Variants in IL3RA observed in about 807,000 individuals in gnomAD.
IL3RA encodes the protein interleukin-3 receptor subunit alpha.
In IL3RA, 73 loss-of-function variants were observed where a neutral mutation model predicts 52.3. That is an observed-to-expected ratio of 1.40 (90% CI 1.16 to 1.70). The LOEUF is 1.70. Among genes scored for constraint, IL3RA ranks in the 40% most tolerant of loss-of-function variants. The pLI is 0.00. For synonymous variants in IL3RA, 260 were observed against 194.0 expected (o/e 1.34, Z -2.83); for missense variants, 664 against 504.4 (o/e 1.32, Z -3.03).
chrX:1,366,578 G>A (rs1414470579), intron 9 of IL3RA, among the ~76,000 whole-genome samples: 1 of 55,888 alleles, frequency 1.8e-5, no homozygotes, highest in Non-Finnish European at 3.0e-5. Context: ...CCGGGTGAGC[G>A]GGGTGAGCGG....
intron 9 of IL3RA, 85 bp downstream of exon 9, chrX:1,365,337 CGCGGGGTG>C (rs2087873135): frequency 2.5e-6 from 1 of 406,166 alleles, no homozygotes; most frequent in African/African-American, 7.2e-5. Flanking sequence ...GAGCGGGGTG[CGCGGGGTG>C]AGCGGGGTGA....
intron 3 of IL3RA, among the ~76,000 whole-genome samples, chrX:1,346,650 T>C (rs1251812000): frequency 6.7e-6 from 1 of 148,208 alleles, no homozygotes; most frequent in Non-Finnish European, 1.5e-5. Flanking sequence ...CAAAAGTGTG[T>C]GCTCAGGAAA....
In IL3RA at chrX:1,346,540, G is replaced by A. The variant is rs1267601467; in HGVS notation, c.183+1106G>A. Among the ~76,000 whole-genome samples, 11 of 152,032 alleles carry A rather than the reference G, an allele frequency of 7.2e-5. No individual in the cohort carries two copies. In the East Asian group the frequency reaches 9.7e-4, roughly 13 times the overall value. On this transcript the variant is annotated intron_variant, in intron 3 of 11. Coordinates refer to ENST00000331035, the MANE Select transcript of IL3RA (RefSeq NM_002183.4). ...GAGAATTGCTTGAACCTGGGAGGCC[G>A]AGGTTGCACTGAGCCGAGATTGTGC...
intron 10 of IL3RA, among the ~76,000 whole-genome samples, chrX:1,380,455 A>AGAGGAGATGGGGGAGG (rs1179556282): frequency 5.0e-4 from 1 of 2,008 alleles, no homozygotes; most frequent in African/African-American, 2.9e-3. Context: ...AGGGGGGAGG[A>AGAGGAGATGGGGGAGG]GGGGGGAAGG....
intron 11 of IL3RA, among the ~76,000 whole-genome samples, chrX:1,381,740 C>T (rs1190090689): frequency 8.0e-5 from 12 of 150,768 alleles, no homozygotes; most frequent in African/African-American, 2.7e-4. Flanking sequence ...GACGGGGTTT[C>T]ACCATGTTGG....
chrX:1,356,614 GA>G lies in IL3RA; in HGVS notation c.732+286del, dbSNP rs1469601402. ...GAAACCCCGTCTCTACTAAAAATAC[GA>G]AAAAAAATTAGCTGGGCGTGGTGGC... On this transcript the variant is annotated intron_variant, in intron 7 of 11. Coordinates refer to ENST00000331035, the MANE Select transcript of IL3RA (RefSeq NM_002183.4). 9.9e-5 allele frequency among the ~76,000 whole-genome samples: 15 copies of G among 151,500 alleles called. 1 individual carries two copies. The highest frequency in any genetic ancestry group is 3.1e-4 in the African/African-American group (13 of 41,394).
intron 6 of IL3RA, 117 bp from the exon 7 acceptor site, chrX:1,356,104 C>T (rs1443395963): frequency 1.3e-5 from 9 of 697,284 alleles, no homozygotes; most frequent in Non-Finnish European, 2.0e-5. Context: ...TTTTCTCTCC[C>T]GCTCTCCAAA....
chrX:1,368,627 G>A (rs1365458625), intron 9 of IL3RA, among the ~76,000 whole-genome samples: 1 of 152,120 alleles, frequency 6.6e-6, no homozygotes, highest in East Asian at 1.9e-4. Context: ...CATTAGGGTG[G>A]GCCCTAATCT....
chrX:1,367,743 C>CGCCGGGTGA (rs2088249938), intron 9 of IL3RA, among the ~76,000 whole-genome samples: 1 of 115,158 alleles, frequency 8.7e-6, no homozygotes, highest in African/African-American at 3.5e-5. Flanking sequence ...GAGCGGGGTG[C>CGCCGGGTGA]GCGGGGTGAG....
chrX:1,362,320 C>CTCTCTCTCT (rs1232103537), intron 8 of IL3RA, among the ~76,000 whole-genome samples: 5 of 107,644 alleles, frequency 4.6e-5, no homozygotes, highest in South Asian at 3.0e-4. Context: ...TTTGTATCTC[C>CTCTCTCTCT]GTCTCTCCCT....
chrX:1,354,494 GGGA>G (rs1306814697), intron 6 of IL3RA, among the ~76,000 whole-genome samples: 1 of 141,438 alleles, frequency 7.1e-6, no homozygotes, highest in Admixed American at 6.9e-5. Flanking sequence ...CATGAGCAGG[GGGA>G]GGAGGAGGAG....
In IL3RA at chrX:1,361,200, C is replaced by CCCCT. The variant is rs201629222; in HGVS notation, c.759+2314_759+2317dup. Among the ~76,000 whole-genome samples, 34 of 61,434 alleles carry CCCCT rather than the reference C, an allele frequency of 5.5e-4. 2 individuals carry two copies. Among genetic ancestry groups the CCCCT allele is most frequent in the African/African-American group, 2.8e-3 (34 of 12,222 alleles). The allele number at this position is 61,434 out of a possible 152,430, so 40.3% of individuals were successfully genotyped here. A position where few individuals can be genotyped will look rare whatever the true frequency, so the allele number is the denominator to read the frequency against. ...CCCTTCCCCTCTCTCTCTCTCCATTCCCCTGTCTCTATGTCTCTCCCTTTC... is the reference window on the plus strand; with the variant it reads ...CCCTTCCCCTCTCTCTCTCTCCATTCCCCTCCCTGTCTCTATGTCTCTCCCTTTC... On this transcript the variant is annotated intron_variant, in intron 8 of 11. Transcript: ENST00000331035.
chrX:1,381,930 TTTG>T (rs1467311633), intron 11 of IL3RA, among the ~76,000 whole-genome samples: 21 of 109,524 alleles, frequency 1.9e-4, no homozygotes, highest in Non-Finnish European at 4.2e-4. Flanking sequence ...GTCAGAGTTT[TTTG>T]TTTTGTTTTG....
intron 9 of IL3RA, among the ~76,000 whole-genome samples, chrX:1,378,058 C>A (rs1371407243): frequency 6.6e-6 from 1 of 150,488 alleles, no homozygotes; most frequent in East Asian, 2.0e-4. Flanking sequence ...TGGTGGCGGG[C>A]GCCTGTAGTC....
At chrX:1,349,406 T>C (rs2085978264) in intron 4 of IL3RA, among the ~76,000 whole-genome samples, 1 of 151,844 alleles carries the variant, frequency 6.6e-6, no homozygotes, top group Admixed American at 6.6e-5. Flanking sequence ...GGTCTCAAAC[T>C]CCTGACTTCG....
intron 8 of IL3RA, among the ~76,000 whole-genome samples, chrX:1,359,844 C>A (rs2087053152): frequency 6.8e-6 from 1 of 146,636 alleles, no homozygotes; most frequent in Admixed American, 6.8e-5. Flanking sequence ...CTCTGTCTCC[C>A]CCCTCCCCAT....
At chrX:1,340,065 G>A (rs1188471242) in intron 1 of IL3RA, among the ~76,000 whole-genome samples, 4 of 151,764 alleles carry the variant, frequency 2.6e-5, no homozygotes, top group South Asian at 2.1e-4. Context: ...GATACAGCTC[G>A]AGCCAAGAAC....
rs1487295776 is a variant in IL3RA, at chrX:1,378,756, C to T, written c.972C>T (p.Ile324=). 1.2e-6 allele frequency: 2 copies of T among 1,612,358 alleles called. No homozygotes were observed. The highest frequency in any genetic ancestry group is 3.3e-5 in the Admixed American group (2 of 60,008). Residue 324 remains isoleucine, a synonymous_variant, in exon 10 of 12, where the codon ATC becomes ATT. Coordinates refer to ENST00000331035, the MANE Select transcript of IL3RA (RefSeq NM_002183.4). ...TGGCCCTGGTCTGTGTCTTCGTGATCTGCAGAAGGTGAGCCCTCGAGGGCG... is the reference window on the plus strand; with the variant it reads ...TGGCCCTGGTCTGTGTCTTCGTGATTTGCAGAAGGTGAGCCCTCGAGGGCG... ...TLLALVCVFV[I]CRRYLVMQRL...
chrX:1,368,907 C>A (rs1170461539), intron 9 of IL3RA, among the ~76,000 whole-genome samples: 1 of 24,108 alleles, frequency 4.1e-5, no homozygotes, highest in Non-Finnish European at 7.0e-5. Context: ...GAGACGAGGA[C>A]ACAGACACAC....
Sources: allele counts gnomAD v4.1 joint callset (sites outside exome capture counted in the v4.1 genomes callset), GRCh38; gene constraint gnomAD v4.1.1; transcripts MANE v1.5; gene names NCBI Gene and HGNC (gene_info 2026-07-23, HGNC 2026-07-21).